Variants in SVIL observed in about 807,000 individuals in gnomAD.
SVIL encodes archvillin.
In SVIL, 101 loss-of-function variants were observed where a neutral mutation model predicts 240.4. The observed-to-expected ratio is 0.42, with a 90% confidence interval of 0.36 to 0.50. The LOEUF is 0.50. SVIL is among the 20% of genes least tolerant of loss of function. The probability of loss-of-function intolerance (pLI) is 0.01; values close to 1 mark genes in which losing one functional copy is unlikely to be tolerated. For synonymous variants in SVIL, 999 were observed against 1,100.0 expected (o/e 0.91, Z 1.82); for missense variants, 2,512 against 2,818.7 (o/e 0.89, Z 2.46).
At chr10:29,584,327 G>A (rs2132774082) in intron 1 of SVIL, among the ~76,000 whole-genome samples, 1 of 152,346 alleles carries the variant, frequency 6.6e-6, no homozygotes, top group East Asian at 1.9e-4. Context: ...CCTGCATGGG[G>A]TTCAGGGTTC....
chr10:29,726,167 C>T (rs186533850), intron 1 of SVIL, among the ~76,000 whole-genome samples: 10 of 152,236 alleles, frequency 6.6e-5, no homozygotes, highest in South Asian at 2.1e-4. Flanking sequence ...AGTGATCCTC[C>T]TGCCTCAGCC....
chr10:29,510,167 C>T (rs1949722576), intron 17 of SVIL, among the ~76,000 whole-genome samples: 2 of 152,202 alleles, frequency 1.3e-5, no homozygotes, highest in Non-Finnish European at 2.9e-5. Flanking sequence ...GTTGGGACTA[C>T]AGGCACGGCC....
chr10:29,583,305 T>G lies in SVIL; in HGVS notation c.-200-13993A>C, dbSNP rs2132770222. On this transcript the variant is annotated intron_variant, in intron 1 of 37. Transcript: ENST00000355867. The stretch of plus-strand genomic sequence containing the variant: ...TCACCCTTGTTTTCCATGGGTTATT[T>G]TTTATTTTTTGAGACAGGGTCTGGC... Among the ~76,000 whole-genome samples, 3 of 152,244 alleles carry G rather than the reference T, an allele frequency of 2.0e-5. No individual in the cohort carries two copies. In the East Asian group the frequency reaches 5.8e-4, roughly 29 times the overall value.
At chr10:29,501,238 G>GAC (rs10635360) in intron 17 of SVIL, among the ~76,000 whole-genome samples, 70,639 of 149,676 alleles carry the variant, frequency 0.47, 17,135 homozygotes, top group Admixed American at 0.55. Flanking sequence ...GGAGGAAACT[G>GAC]ACAATTTTAA....
chr10:29,457,992 T>G lies in SVIL; in HGVS notation c.*255A>C. The G allele has an allele frequency of 2.8e-6, 1 of 355,738 alleles. No homozygotes were observed. The highest frequency in any genetic ancestry group is 5.0e-6 in the Non-Finnish European group (1 of 198,756). 22.0% of individuals were successfully genotyped at this position (355,738 alleles called of 1,614,324 possible). A position where few individuals can be genotyped will look rare whatever the true frequency, so the allele number is the denominator to read the frequency against. ...CAGTGCTATCTATAGCAGCTGCGGC[T>G]TAAGTGCACATAACAGATACTTTTA... On this transcript the variant is annotated 3_prime_UTR_variant, in exon 38 of 38. Transcript: ENST00000355867.
chr10:29,588,697 G>A (rs115656012), intron 1 of SVIL, among the ~76,000 whole-genome samples: 2,904 of 152,246 alleles, frequency 0.019, 104 homozygotes, highest in African/African-American at 0.066. Context: ...CTTAGGAACC[G>A]AGTCACACAA....
At chr10:29,614,533 C>T (rs2132886066) in intron 1 of SVIL, among the ~76,000 whole-genome samples, 1 of 152,224 alleles carries the variant, frequency 6.6e-6, no homozygotes, top group East Asian at 1.9e-4. Flanking sequence ...AAGCTGGAAA[C>T]CATCATTCTC....
chr10:29,520,717 G>A (rs1950505057), intron 16 of SVIL, among the ~76,000 whole-genome samples: 2 of 152,002 alleles, frequency 1.3e-5, no homozygotes, highest in African/African-American at 2.4e-5. Flanking sequence ...AGACCAGCCT[G>A]GGCAACATGG....
At chr10:29,603,146 C>A (rs1328614322) in intron 1 of SVIL, among the ~76,000 whole-genome samples, 1 of 152,086 alleles carries the variant, frequency 6.6e-6, no homozygotes, top group Admixed American at 6.5e-5. Context: ...AAAGCAAGTG[C>A]AGAACAGGAC....
At chr10:29,548,238 C>G (rs895838170) in intron 6 of SVIL, among the ~76,000 whole-genome samples, 1 of 152,126 alleles carries the variant, frequency 6.6e-6, no homozygotes, top group Non-Finnish European at 1.5e-5. Context: ...CAGGTGTGCA[C>G]CCCTGTGTCC....
chr10:29,623,119 G>A (rs1957728501), intron 1 of SVIL, among the ~76,000 whole-genome samples: 1 of 152,082 alleles, frequency 6.6e-6, no homozygotes, highest in Non-Finnish European at 1.5e-5. Flanking sequence ...CATTTCTTTT[G>A]AAAAACACAG....
At chr10:29,543,783 T>C (rs1952382967) in intron 6 of SVIL, among the ~76,000 whole-genome samples, 2 of 152,114 alleles carry the variant, frequency 1.3e-5, no homozygotes, top group Non-Finnish European at 2.9e-5. Flanking sequence ...GTATTACATA[T>C]GGTACTTAAA....
intron 17 of SVIL, chr10:29,507,816 T>C (rs1466768939): frequency 3.0e-5 from 30 of 984,392 alleles, no homozygotes; most frequent in Non-Finnish European, 3.6e-5. Flanking sequence ...TACAGGTTCC[T>C]ACAGAGCAAA....
chr10:29,719,657 TAATATCTAC>T (rs1963855494), intron 1 of SVIL, among the ~76,000 whole-genome samples: 1 of 152,172 alleles, frequency 6.6e-6, no homozygotes, highest in African/African-American at 2.4e-5. Context: ...TTTCTAGAAA[TAATATCTAC>T]AATGTGCGAG....
At chr10:29,688,547 T>C (rs1042504947) in intron 1 of SVIL, among the ~76,000 whole-genome samples, 1 of 152,266 alleles carries the variant, frequency 6.6e-6, no homozygotes, top group Non-Finnish European at 1.5e-5. Flanking sequence ...CTGTTTCACT[T>C]AGCTGGGCTC....
At chr10:29,466,381 TAATA>T in intron 33 of SVIL, among the ~76,000 whole-genome samples, 1 of 152,172 alleles carries the variant, frequency 6.6e-6, no homozygotes, top group South Asian at 2.1e-4. Flanking sequence ...GAGGAAAAAA[TAATA>T]TGCTGAATTT....
At chr10:29,540,354 G>A (rs1206446932) in intron 6 of SVIL, among the ~76,000 whole-genome samples, 4 of 152,086 alleles carry the variant, frequency 2.6e-5, no homozygotes, top group East Asian at 1.9e-4. Context: ...TCATCTCCTC[G>A]GCACTCGGAA....
chr10:29,479,922 G>A (rs1006227667), intron 29 of SVIL, among the ~76,000 whole-genome samples: 8 of 152,162 alleles, frequency 5.3e-5, no homozygotes, highest in African/African-American at 9.7e-5. Context: ...AGAGTTCACC[G>A]GACTCCCCCT....
rs1964832658 is a variant in SVIL at position 29,735,257 on chromosome 10, G to A, written c.-400+494C>T. Among the ~76,000 whole-genome samples, 1 of 151,986 alleles carries A rather than the reference G, an allele frequency of 6.6e-6. No homozygotes were observed. Among genetic ancestry groups the A allele is most frequent in the African/African-American group, 2.4e-5 (1 of 41,398 alleles). On this transcript the variant is annotated intron_variant, in intron 1 of 35. Transcript: ENST00000375400. The surrounding 1 kb of genome is among the most constrained non-coding windows in gnomAD (Gnocchi z 4.1). Reference sequence around the variant, plus strand: ...AGGCGCCGGTCTGGGACCCCGGGCTGGGGCGCGGGAGCCACCGCAGCTCCG... The same window carrying A: ...AGGCGCCGGTCTGGGACCCCGGGCTAGGGCGCGGGAGCCACCGCAGCTCCG...
Sources: allele counts gnomAD v4.1 joint callset (sites outside exome capture counted in the v4.1 genomes callset), GRCh38; gene constraint gnomAD v4.1.1; non-coding constraint Gnocchi (gnomAD v3.1); transcripts MANE v1.5; gene names NCBI Gene and HGNC (gene_info 2026-07-23, HGNC 2026-07-21).